Variants in PTPRD observed in about 807,000 individuals in gnomAD.
The protein encoded by PTPRD is protein tyrosine phosphatase receptor type D.
PTPRD carries 34 observed loss-of-function variants against 214.5 expected under a neutral mutation model. The ratio of observed to expected loss-of-function variants is 0.16; its 90% CI spans 0.12 to 0.21. PTPRD has a LOEUF of 0.21. Among genes scored for constraint, PTPRD ranks in the 10% least tolerant of loss-of-function variants. PTPRD has a pLI of 1.00. For synonymous variants in PTPRD, 1,128 were observed against 845.7 expected, an observed-to-expected ratio of 1.33 and a Z score of -5.79; for missense variants, 2,545 against 2,398.7, an observed-to-expected ratio of 1.06 and a Z score of -1.27.
chr9:9,103,595 C>G (rs529839378), intron 10 of PTPRD, among the ~76,000 whole-genome samples: 80 of 151,922 alleles, frequency 5.3e-4, no homozygotes, highest in Non-Finnish European at 1.1e-3. Context: ...CCTTCTTTAG[C>G]GTATCCTTTG....
intron 7 of PTPRD, among the ~76,000 whole-genome samples, chr9:9,691,616 T>C (rs2097272576): frequency 6.6e-6 from 1 of 152,080 alleles, no homozygotes; most frequent in Admixed American, 6.6e-5. Context: ...AATATACTGA[T>C]TTCCTTTCTT....
chr9:8,772,041 G>A (rs2095248836), intron 11 of PTPRD, among the ~76,000 whole-genome samples: 1 of 151,872 alleles, frequency 6.6e-6, no homozygotes. Context: ...TGCATTATAT[G>A]CCTGTAAAAA....
intron 9 of PTPRD, among the ~76,000 whole-genome samples, chr9:9,211,274 GGCTCTGAGACCTCA>G (rs1240932053): frequency 6.6e-6 from 1 of 151,972 alleles, no homozygotes; most frequent in Admixed American, 6.5e-5. Flanking sequence ...ATTATTTACT[GGCTCTGAGACCTCA>G]GCCATATTAC....
intron 3 of PTPRD, among the ~76,000 whole-genome samples, chr9:10,136,105 A>G (rs931311086): frequency 6.6e-6 from 1 of 151,912 alleles, no homozygotes; most frequent in Non-Finnish European, 1.5e-5. Flanking sequence ...GATAAAGCAC[A>G]CTTTAAACCA....
At chr9:9,863,875 G>T (rs559790688) in intron 5 of PTPRD, among the ~76,000 whole-genome samples, 1 of 150,974 alleles carries the variant, frequency 6.6e-6, no homozygotes, top group African/African-American at 2.4e-5. Flanking sequence ...TGGACCCAAA[G>T]ATTTGATTGA....
intron 11 of PTPRD, among the ~76,000 whole-genome samples, chr9:8,896,097 G>C (rs2098608118): frequency 6.6e-6 from 1 of 152,056 alleles, no homozygotes; most frequent in Non-Finnish European, 1.5e-5. Context: ...GTTGACATGG[G>C]GCAAGACAAG....
At chr9:8,439,623 A>T (rs1390314582) in intron 34 of PTPRD, among the ~76,000 whole-genome samples, 1 of 152,258 alleles carries the variant, frequency 6.6e-6, no homozygotes, top group Non-Finnish European at 1.5e-5. Flanking sequence ...AATAATCATC[A>T]AGAGTAAAAC....
chr9:9,328,146 A>T (rs906068328), intron 9 of PTPRD, among the ~76,000 whole-genome samples: 5 of 152,170 alleles, frequency 3.3e-5, no homozygotes, highest in Non-Finnish European at 7.4e-5. Context: ...AACATGACAA[A>T]TCAAAAATTT....
At chr9:8,979,590 AT>A (rs1172052692) in intron 11 of PTPRD, among the ~76,000 whole-genome samples, 3 of 152,186 alleles carry the variant, frequency 2.0e-5, no homozygotes, top group Non-Finnish European at 4.4e-5. Context: ...TTGAACAGAC[AT>A]TTCTCCAAAG....
At chr9:9,640,992 G>A (rs2095924824) in intron 7 of PTPRD, among the ~76,000 whole-genome samples, 1 of 134,276 alleles carries the variant, frequency 7.4e-6, no homozygotes, top group Admixed American at 7.6e-5. Context: ...GTGCCTAACA[G>A]GTAGTGATAC....
chr9:9,170,673 C>T (rs929819972), intron 10 of PTPRD, among the ~76,000 whole-genome samples: 35 of 152,076 alleles, frequency 2.3e-4, no homozygotes, highest in African/African-American at 8.5e-4. Flanking sequence ...AGTGGATGCT[C>T]AGAAAACAGA....
intron 7 of PTPRD, among the ~76,000 whole-genome samples, chr9:9,701,781 G>C (rs1399643810): frequency 6.6e-6 from 1 of 152,118 alleles, no homozygotes; most frequent in Non-Finnish European, 1.5e-5. Context: ...GAGTTTCAGA[G>C]GGAAGAAATG....
intron 8 of PTPRD, among the ~76,000 whole-genome samples, chr9:9,493,703 G>C (rs1032388513): frequency 2.7e-5 from 4 of 149,778 alleles, no homozygotes; most frequent in East Asian, 2.0e-4. Flanking sequence ...CAGGAGAATG[G>C]CGTGAACCCA....
chr9:9,141,845 G>C (rs536702668), intron 10 of PTPRD, among the ~76,000 whole-genome samples: 1 of 151,778 alleles, frequency 6.6e-6, no homozygotes, highest in East Asian at 1.9e-4. Context: ...ATTTATTCTG[G>C]AATATATGCT....
chr9:9,519,172 C>A (rs570067871), intron 8 of PTPRD, among the ~76,000 whole-genome samples: 19 of 151,572 alleles, frequency 1.3e-4, no homozygotes, highest in Admixed American at 3.3e-4. Flanking sequence ...TGAAACATTA[C>A]CCATCTAAAT....
chr9:9,689,829 T>C (rs2097234999), intron 7 of PTPRD, among the ~76,000 whole-genome samples: 2 of 151,950 alleles, frequency 1.3e-5, no homozygotes, highest in South Asian at 4.1e-4. Context: ...CATTTTTTAA[T>C]GGCTGAATAC....
At chr9:9,371,246 C>CT (rs1569567772) in intron 9 of PTPRD, among the ~76,000 whole-genome samples, 1 of 151,882 alleles carries the variant, frequency 6.6e-6, no homozygotes, top group Non-Finnish European at 1.5e-5. Context: ...TGGTCCTGGA[C>CT]TTTTTTTGGT....
chr9:10,555,756 A>C (rs2062423847), intron 2 of PTPRD, among the ~76,000 whole-genome samples: 1 of 152,236 alleles, frequency 6.6e-6, no homozygotes, highest in African/African-American at 2.4e-5. Flanking sequence ...CTAGAAAAAA[A>C]CCACAAAACT....
chr9:10,472,116 A>T (rs577833909), intron 2 of PTPRD, among the ~76,000 whole-genome samples: 1 of 152,284 alleles, frequency 6.6e-6, no homozygotes, highest in Non-Finnish European at 1.5e-5. Flanking sequence ...ATTTAAAATT[A>T]TATGAAAATT....
Sources: gnomAD v4.1 joint callset for allele counts (sites outside exome capture counted in the v4.1 genomes callset) on GRCh38, gnomAD v4.1.1 for gene constraint, MANE v1.5 for transcripts, NCBI Gene and HGNC (gene_info 2026-07-23, HGNC 2026-07-21) for gene names.